The following APBA1 variants were observed in gnomAD, a reference collection of about 807,000 sequenced individuals.
APBA1 encodes amyloid-beta A4 precursor protein-binding family A member 1.
APBA1 carries 55 observed loss-of-function variants against 86.6 expected under a neutral mutation model. That is an observed-to-expected ratio of 0.64 (90% CI 0.51 to 0.80). The LOEUF is 0.80. Ranked by LOEUF, APBA1 falls within the 30% of genes least tolerant of loss-of-function variation. The pLI, the probability that APBA1 is intolerant of heterozygous loss-of-function variation, is 0.00. For missense variants in APBA1, 1,090 were observed against 1,183.0 expected (o/e 0.92, Z 1.15); for synonymous variants, 511 against 493.9 (o/e 1.03, Z -0.46).
intron 1 of APBA1, among the ~76,000 whole-genome samples, chr9:69,663,020 A>C (rs892490426): frequency 2.6e-5 from 4 of 152,246 alleles, no homozygotes; most frequent in Non-Finnish European, 5.9e-5. Context: ...AAAACGAAAA[A>C]ACAACTTTTG....
At chr9:69,543,568 TG>T (rs769996150) in intron 1 of APBA1, among the ~76,000 whole-genome samples, 2 of 152,160 alleles carry the variant, frequency 1.3e-5, no homozygotes, top group Non-Finnish European at 2.9e-5. Flanking sequence ...TCAAAAGCAC[TG>T]CAATAGCATT....
chr9:69,592,716 G>A (rs550671393), intron 1 of APBA1, among the ~76,000 whole-genome samples: 1 of 152,282 alleles, frequency 6.6e-6, no homozygotes, highest in African/African-American at 2.4e-5. Context: ...TGTAAGACAT[G>A]CTTGCTTCCC....
At chr9:69,599,494 C>G (rs1411612336) in intron 1 of APBA1, among the ~76,000 whole-genome samples, 1 of 152,226 alleles carries the variant, frequency 6.6e-6, no homozygotes, top group African/African-American at 2.4e-5. Flanking sequence ...AACACTCTCA[C>G]ATACTCCCTC....
chr9:69,488,579 T>C lies in APBA1; in HGVS notation c.1201-12436A>G, dbSNP rs189351176. Reference sequence around the variant, plus strand: ...TTCAGCAGCTTTTTGAAGGTACACATATGCAGGGATTCCTTAGAGCACCTC... The same window carrying C: ...TTCAGCAGCTTTTTGAAGGTACACACATGCAGGGATTCCTTAGAGCACCTC... On this transcript the variant is annotated intron_variant, in intron 2 of 12. Coordinates refer to ENST00000265381, the MANE Select transcript of APBA1 (RefSeq NM_001163.4). Among the ~76,000 whole-genome samples, 28 of 152,268 alleles carry C rather than the reference T, an allele frequency of 1.8e-4. 1 individual carries two copies. Among genetic ancestry groups the C allele is most frequent in the Non-Finnish European group, 8.8e-5 (6 of 68,020 alleles).
intron 2 of APBA1, among the ~76,000 whole-genome samples, chr9:69,481,850 G>A (rs1437852975): frequency 6.6e-6 from 1 of 152,000 alleles, no homozygotes; most frequent in Non-Finnish European, 1.5e-5. Context: ...TGACAAACCT[G>A]AGAAAAGCAA....
intron 9 of APBA1, among the ~76,000 whole-genome samples, chr9:69,450,056 G>GGTTT (rs1834977851): frequency 1.1e-5 from 1 of 94,162 alleles, no homozygotes; most frequent in African/African-American, 4.4e-5. Context: ...AGGACCACCA[G>GGTTT]TTTTTTTTTT....
At chr9:69,612,294 C>T (rs956918229) in intron 1 of APBA1, among the ~76,000 whole-genome samples, 1 of 151,830 alleles carries the variant, frequency 6.6e-6, no homozygotes, top group African/African-American at 2.4e-5. Context: ...TATAAGTAAT[C>T]TAGGTATAAT....
chr9:69,458,076 C>G, intron 6 of APBA1, 80 bp downstream of exon 6: 1 of 1,394,014 alleles, frequency 7.2e-7, no homozygotes, highest in Non-Finnish European at 9.7e-7. Context: ...AACAAAAACA[C>G]GAAAATATAA....
At chr9:69,451,838 C>T (rs1342894401) in intron 9 of APBA1, among the ~76,000 whole-genome samples, 2 of 152,182 alleles carry the variant, frequency 1.3e-5, no homozygotes, top group Non-Finnish European at 2.9e-5. Flanking sequence ...TTTGTACAAG[C>T]AGAGTTCAGG....
At chr9:69,658,230 T>C (rs1048944010) in intron 1 of APBA1, among the ~76,000 whole-genome samples, 21 of 15,442 alleles carry the variant, frequency 1.4e-3, no homozygotes, top group African/African-American at 2.1e-3. Flanking sequence ...CTCTCTTTCT[T>C]TCTTTCTTTC....
At chr9:69,432,790 G>C (rs1041076139) in intron 11 of APBA1, 114 bp from the exon 12 acceptor site, 3 of 1,121,058 alleles carry the variant, frequency 2.7e-6, no homozygotes, top group Non-Finnish European at 2.4e-6. Flanking sequence ...AAACTGACAT[G>C]GTTAGGCTTT....
intron 1 of APBA1, among the ~76,000 whole-genome samples, chr9:69,666,979 G>A (rs1041697328): frequency 6.6e-6 from 1 of 152,140 alleles, no homozygotes; most frequent in African/African-American, 2.4e-5. Context: ...GGTATTGGGC[G>A]AGGTGCTATA....
intron 11 of APBA1, 76 bp downstream of exon 11, chr9:69,440,920 G>A (rs1564029715): frequency 2.7e-5 from 42 of 1,553,130 alleles, no homozygotes; most frequent in Non-Finnish European, 3.6e-5. Context: ...TAGCCATCTT[G>A]GCTCCACCCC....
At chr9:69,578,874 C>G (rs562344211) in intron 1 of APBA1, among the ~76,000 whole-genome samples, 1 of 152,288 alleles carries the variant, frequency 6.6e-6, no homozygotes, top group African/African-American at 2.4e-5. Context: ...TTGTGGACAC[C>G]ATTGTACCCA....
chr9:69,572,737 C>T (rs1588371351), intron 1 of APBA1, among the ~76,000 whole-genome samples: 1 of 152,212 alleles, frequency 6.6e-6, no homozygotes, highest in African/African-American at 2.4e-5. Context: ...AAACTGAAAA[C>T]TCCTCCACAT....
At chr9:69,449,258 A>T (rs1834961317) in intron 10 of APBA1, among the ~76,000 whole-genome samples, 1 of 152,208 alleles carries the variant, frequency 6.6e-6, no homozygotes, top group Non-Finnish European at 1.5e-5. Context: ...TCCCAAGCTG[A>T]GGCCATTTCT....
chr9:69,544,712 T>G (rs994169819), intron 1 of APBA1, among the ~76,000 whole-genome samples: 1 of 152,240 alleles, frequency 6.6e-6, no homozygotes, highest in Admixed American at 6.5e-5. Flanking sequence ...CTGAAAGAAT[T>G]TAAATTGCAT....
At chr9:69,560,019 C>T (rs1277796505) in intron 1 of APBA1, among the ~76,000 whole-genome samples, 2 of 152,154 alleles carry the variant, frequency 1.3e-5, no homozygotes, top group Admixed American at 6.5e-5. Context: ...CCCCTTCTTG[C>T]GAAAGGGGCA....
chr9:69,477,295 A>G (rs1240010251), intron 2 of APBA1, among the ~76,000 whole-genome samples: 1 of 151,516 alleles, frequency 6.6e-6, no homozygotes, highest in Non-Finnish European at 1.5e-5. Context: ...AGGGCGAGGC[A>G]TTTCCTCACT....
Sources: gnomAD v4.1 joint callset for allele counts (sites outside exome capture counted in the v4.1 genomes callset) on GRCh38, gnomAD v4.1.1 for gene constraint, MANE v1.5 for transcripts, NCBI Gene and HGNC (gene_info 2026-07-23, HGNC 2026-07-21) for gene names.